The following FAM149B1 variants were observed in gnomAD, a reference collection of about 807,000 sequenced individuals.
The protein encoded by FAM149B1 is family with sequence similarity 149 member B1.
Under a neutral mutation model 75.3 loss-of-function variants are expected in FAM149B1, and 56 were observed. The observed-to-expected ratio is 0.74, with a 90% CI of 0.60 to 0.93. The LOEUF (loss-of-function observed/expected upper bound fraction) is 0.93, where lower values mean the gene tolerates loss of function less well. Among genes scored for constraint, FAM149B1 ranks in the 40% least tolerant of loss-of-function variants. The probability of loss-of-function intolerance (pLI) is 0.00; values close to 1 mark genes in which losing one functional copy is unlikely to be tolerated. For missense variants in FAM149B1, 639 were observed against 708.4 expected, an observed-to-expected ratio of 0.90 and a Z score of 1.11; for synonymous variants, 259 against 256.1, an observed-to-expected ratio of 1.01 and a Z score of -0.11.
chr10:73,228,300 ATG>A (rs755491691), intron 8 of FAM149B1, 116 bp downstream of exon 8: 1 of 800,336 alleles, frequency 1.2e-6, no homozygotes, highest in Non-Finnish European at 2.0e-6. Context: ...TAGTACAGTT[ATG>A]TGTTTATCAT....
chr10:73,206,902 A>G (rs981171517), intron 5 of FAM149B1, among the ~76,000 whole-genome samples: 1 of 151,480 alleles, frequency 6.6e-6, no homozygotes, highest in African/African-American at 2.4e-5. Flanking sequence ...GTGATACAGC[A>G]AGACTCTGTC....
At chr10:73,168,987 CTT>C (rs1843578997) in intron 1 of FAM149B1, 2 of 152,308 alleles carry the variant, frequency 1.3e-5, no homozygotes, top group Admixed American at 1.3e-4. Flanking sequence ...GCTTTTGAGA[CTT>C]TAAAGAGCAA....
At chr10:73,228,225 C>T (rs983053432) in intron 8 of FAM149B1, 41 bp downstream of exon 8, 2 of 1,535,560 alleles carry the variant, frequency 1.3e-6, no homozygotes, top group East Asian at 2.5e-5. Context: ...CAGGGCTACT[C>T]TCACCAGAGG....
intron 2 of FAM149B1, among the ~76,000 whole-genome samples, chr10:73,176,386 C>T (rs1021464270): frequency 6.6e-6 from 1 of 152,166 alleles, no homozygotes; most frequent in Non-Finnish European, 1.5e-5. Flanking sequence ...GTCTGTGACC[C>T]CGGGGTTCGG....
chr10:73,237,087 G>A (rs184707096), intron 12 of FAM149B1, among the ~76,000 whole-genome samples: 2 of 152,208 alleles, frequency 1.3e-5, no homozygotes, highest in African/African-American at 2.4e-5. Flanking sequence ...GATACCAGTC[G>A]CTGAATTTAG....
intron 1 of FAM149B1, among the ~76,000 whole-genome samples, chr10:73,170,496 T>A (rs1028005546): frequency 1.3e-5 from 2 of 151,674 alleles, no homozygotes; most frequent in Non-Finnish European, 2.9e-5. Flanking sequence ...AGAGGAAGAC[T>A]CTGTCTCAAA....
At chr10:73,194,824 C>G (rs973007397) in intron 5 of FAM149B1, among the ~76,000 whole-genome samples, 5 of 152,040 alleles carry the variant, frequency 3.3e-5, no homozygotes, top group Non-Finnish European at 5.9e-5. Context: ...GCTGGGATTA[C>G]AGGCGCCCAG....
At chr10:73,184,400 TC>T (rs1188628184) in intron 3 of FAM149B1, among the ~76,000 whole-genome samples, 1 of 151,796 alleles carries the variant, frequency 6.6e-6, no homozygotes, top group Non-Finnish European at 1.5e-5. Flanking sequence ...AATACCCCAC[TC>T]TCAATACTTG....
intron 1 of FAM149B1, among the ~76,000 whole-genome samples, chr10:73,173,707 C>G (rs1412305358): frequency 2.0e-5 from 3 of 152,166 alleles, no homozygotes; most frequent in Non-Finnish European, 4.4e-5. Context: ...ATAGTCAACA[C>G]AAAAATAGAC....
intron 3 of FAM149B1, among the ~76,000 whole-genome samples, chr10:73,183,107 GAGCAGAGACGAGAGTTCAGGGTAGA>G (rs2042439545): frequency 2.0e-5 from 3 of 152,180 alleles, no homozygotes; most frequent in African/African-American, 7.2e-5. Context: ...CTGTGCTGAG[GAGCAGAGACGAGAGTTCAGGGTAGA>G]GGAAGAGAAG....
At chr10:73,212,970 G>GT (rs1351690495) in intron 7 of FAM149B1, among the ~76,000 whole-genome samples, 1 of 152,086 alleles carries the variant, frequency 6.6e-6, no homozygotes, top group African/African-American at 2.4e-5. Context: ...AGCCTCCTGA[G>GT]TAGCTGGGAC....
intron 3 of FAM149B1, among the ~76,000 whole-genome samples, chr10:73,178,267 G>A (rs542800765): frequency 9.9e-5 from 15 of 152,242 alleles, no homozygotes; most frequent in Admixed American, 2.6e-4. Flanking sequence ...CGAGGCGGGC[G>A]GATCACCTGA....
chr10:73,228,004 T>G, intron 7 of FAM149B1, 56 bp from the exon 8 acceptor site: 1 of 1,511,150 alleles, frequency 6.6e-7, no homozygotes. Context: ...TTCACAATAC[T>G]GTTGCTGTGG....
chr10:73,219,685 G>C (rs1246855827), intron 7 of FAM149B1, among the ~76,000 whole-genome samples: 1 of 152,054 alleles, frequency 6.6e-6, no homozygotes, highest in Admixed American at 6.6e-5. Context: ...GATGATACTG[G>C]AACAACTGTA....
intron 1 of FAM149B1, among the ~76,000 whole-genome samples, chr10:73,172,280 A>G (rs1843748363): frequency 6.6e-6 from 1 of 152,202 alleles, no homozygotes; most frequent in Non-Finnish European, 1.5e-5. Flanking sequence ...TTGAGAAATA[A>G]TTTAAAGTGC....
chr10:73,215,728 T>A (rs1321193169), intron 7 of FAM149B1, among the ~76,000 whole-genome samples: 2 of 152,226 alleles, frequency 1.3e-5, no homozygotes, highest in East Asian at 3.8e-4. Flanking sequence ...CCAGAGTTCT[T>A]TGTGGTGTTG....
chr10:73,209,826 G>C (rs746197457), intron 6 of FAM149B1, among the ~76,000 whole-genome samples: 18 of 152,194 alleles, frequency 1.2e-4, no homozygotes, highest in Non-Finnish European at 1.9e-4. Context: ...TTTTTAGGCT[G>C]TGCAGCTGTG....
chr10:73,228,246 A>G, intron 8 of FAM149B1, 62 bp downstream of exon 8: 1 of 1,438,286 alleles, frequency 7.0e-7, no homozygotes, highest in Non-Finnish European at 9.5e-7. Flanking sequence ...AAATTTGCTC[A>G]GAGTTGTTTG....
intron 3 of FAM149B1, among the ~76,000 whole-genome samples, chr10:73,188,298 A>G (rs1253145802): frequency 6.6e-6 from 1 of 152,192 alleles, no homozygotes; most frequent in Non-Finnish European, 1.5e-5. Context: ...ATGAATTCAC[A>G]TCATATAAAA....
Sources: allele counts gnomAD v4.1 joint callset (sites outside exome capture counted in the v4.1 genomes callset), GRCh38; gene constraint gnomAD v4.1.1; transcripts MANE v1.5; gene names NCBI Gene and HGNC (gene_info 2026-07-23, HGNC 2026-07-21).